Variants in ESCO2 observed in about 807,000 individuals in gnomAD.
ESCO2 encodes the protein establishment of sister chromatid cohesion N-acetyltransferase 2, also known as N-acetyltransferase ESCO2.
In ESCO2, 51 loss-of-function variants were observed where a neutral mutation model predicts 61.7. The ratio of observed to expected loss-of-function variants is 0.83; its 90% CI spans 0.66 to 1.04. The LOEUF (loss-of-function observed/expected upper bound fraction) is 1.04. Among genes scored for constraint, ESCO2 ranks in the 50% least tolerant of loss-of-function variants. The probability of loss-of-function intolerance (pLI) is 0.00; values close to 1 mark genes in which losing one functional copy is unlikely to be tolerated. For synonymous variants in ESCO2, 230 were observed against 238.2 expected (o/e 0.97, Z 0.32); for missense variants, 692 against 686.2 (o/e 1.01, Z -0.09).
At chr8:27,814,922 A>T (rs1271209312), downstream of ESCO2, among the ~76,000 whole-genome samples, 1 of 152,240 alleles carries the variant, frequency 6.6e-6, no homozygotes, top group African/African-American at 2.4e-5. Flanking sequence ...GGATAAACTC[A>T]AACTCTTACA....
At position 27,804,365 on chromosome 8, in the gene ESCO2, T is replaced by C. The variant is rs1805517537; in HGVS notation, c.*927T>C. The C allele has an allele frequency of 1.0e-6, 1 of 985,438 alleles. No individual in the cohort carries two copies. Among genetic ancestry groups the C allele is most frequent in the Non-Finnish European group, 1.2e-6 (1 of 829,918 alleles). 61.0% of individuals were successfully genotyped at this position (985,438 alleles called of 1,614,324 possible). On this transcript the variant is annotated 3_prime_UTR_variant, in exon 11 of 11. Coordinates refer to ENST00000305188, the MANE Select transcript of ESCO2 (RefSeq NM_001017420.3). ...TAACAAAATGCCTAGTTGGATTAGA[T>C]GTTTTCATTTTCTAATTTTTTGCTT... is the stretch of plus-strand genomic sequence containing the variant.
chr8:27,810,209 G>A, downstream of ESCO2: 1 of 806,444 alleles, frequency 1.2e-6, no homozygotes, highest in East Asian at 2.6e-5. Context: ...CCTCAAATAT[G>A]CCAATTTTAG....
chr8:27,812,837 T>A (rs1448985855), downstream of ESCO2, among the ~76,000 whole-genome samples: 2 of 152,118 alleles, frequency 1.3e-5, no homozygotes, highest in Non-Finnish European at 2.9e-5. Flanking sequence ...CTGGAGAGGA[T>A]GTGGAGAAAT....
intron 5 of ESCO2, among the ~76,000 whole-genome samples, chr8:27,786,784 CTT>C (rs11305882): frequency 2.8e-4 from 30 of 105,724 alleles, no homozygotes; most frequent in Middle Eastern, 6.3e-3. Context: ...AATGCTCCAC[CTT>C]TTTTTTTTTT....
Position 27,803,210 on chromosome 8 carries a change from GTTGAT to G in ESCO2, c.1674-93_1674-89del, listed in dbSNP as rs1181763108. ...CATTTTTTCACTTACTAAAAATAAG[GTTGAT>G]TTAAGTCAAGAGTATTTACTTAAAT... On this transcript the variant is annotated intron_variant, in intron 10 of 10. Coordinates refer to ENST00000305188, the MANE Select transcript of ESCO2 (RefSeq NM_001017420.3). The G allele has an allele frequency of 1.2e-5, 13 of 1,090,278 alleles. No individual in the cohort carries two copies. The African/African-American group carries it at 1.7e-4, about 14-fold the overall frequency. The allele number at this position is 1,090,278 out of a possible 1,614,324, so 67.5% of individuals were successfully genotyped here.
intron 10 of ESCO2, among the ~76,000 whole-genome samples, chr8:27,800,849 G>A (rs1214500911): frequency 1.3e-5 from 2 of 152,102 alleles, no homozygotes; most frequent in Non-Finnish European, 2.9e-5. Context: ...GCAGAAGATC[G>A]CACATTGTAT....
chr8:27,793,929 C>T (rs1438431166), intron 9 of ESCO2, among the ~76,000 whole-genome samples: 2 of 152,196 alleles, frequency 1.3e-5, no homozygotes, highest in African/African-American at 2.4e-5. Flanking sequence ...CTGGCAACCA[C>T]CATTCTACTC....
chr8:27,798,917 G>A (rs1216024017), intron 9 of ESCO2, among the ~76,000 whole-genome samples: 1 of 152,190 alleles, frequency 6.6e-6, no homozygotes, highest in Non-Finnish European at 1.5e-5. Flanking sequence ...TCTTTGTGGT[G>A]ACTCAATAGT....
chr8:27,805,580 A>T (rs1320954746), downstream of ESCO2, among the ~76,000 whole-genome samples: 1 of 152,152 alleles, frequency 6.6e-6, no homozygotes, highest in East Asian at 1.9e-4. Flanking sequence ...TCTCAAAGCA[A>T]TGATACCCTA....
intron 4 of ESCO2, among the ~76,000 whole-genome samples, chr8:27,782,637 T>C (rs1284119092): frequency 1.3e-5 from 2 of 151,850 alleles, no homozygotes; most frequent in Non-Finnish European, 2.9e-5. Flanking sequence ...CTATATCAGC[T>C]CATGCCATTC....
In ESCO2 at chr8:27,804,410, T is replaced by TAG; in HGVS notation, c.*972_*973insAG. 1 of 985,436 alleles carries TAG rather than the reference T, an allele frequency of 1.0e-6. No homozygotes were observed. The highest frequency in any genetic ancestry group is 1.2e-6 in the Non-Finnish European group (1 of 829,930). 61.0% of individuals were successfully genotyped at this position (985,436 alleles called of 1,614,324 possible). Reference sequence around the variant, plus strand: ...TTGCTTGTTTAAAATGCACCTTACTTGTTCTGAGATACCTGGCAAAAGTCT... The same window carrying TAG: ...TTGCTTGTTTAAAATGCACCTTACTTAGGTTCTGAGATACCTGGCAAAAGTCT... On this transcript the variant is annotated 3_prime_UTR_variant, in exon 11 of 11. Transcript: ENST00000305188.
chr8:27,791,249 G>T (rs1463390584), intron 7 of ESCO2, among the ~76,000 whole-genome samples: 1 of 152,070 alleles, frequency 6.6e-6, no homozygotes, highest in Non-Finnish European at 1.5e-5. Context: ...TTATAGTTTT[G>T]TCATGGATCT....
At position 27,775,555 on chromosome 8, in the gene ESCO2, T is replaced by G. The variant is rs1804770574; in HGVS notation, c.41T>G (p.Leu14Trp). ...LTPRKRKQDS[L>W]KCDSLLHFTE... ...CCAAGGAAGAGGAAGCAGGATTCTTTGAAGTGTGACAGGTGAATCTCAGCC... is the reference window on the plus strand; with the variant it reads ...CCAAGGAAGAGGAAGCAGGATTCTTGGAAGTGTGACAGGTGAATCTCAGCC... Residue 14 changes from leucine to tryptophan, a missense_variant, in exon 2 of 11, where the codon TTG becomes TGG. Coordinates refer to ENST00000305188, the MANE Select transcript of ESCO2 (RefSeq NM_001017420.3). 2.5e-6 allele frequency: 4 copies of G among 1,614,156 alleles called. No individual in the cohort carries two copies. The highest frequency in any genetic ancestry group is 3.4e-6 in the Non-Finnish European group (4 of 1,180,004).
intron 4 of ESCO2, among the ~76,000 whole-genome samples, chr8:27,781,290 C>T (rs116777995): frequency 0.015 from 2,207 of 151,184 alleles, 49 homozygotes; most frequent in African/African-American, 0.046. Context: ...CTGCCTTGGC[C>T]TTGTTTCTAG....
At chr8:27,793,911 C>G (rs1472511976) in intron 9 of ESCO2, among the ~76,000 whole-genome samples, 1 of 152,170 alleles carries the variant, frequency 6.6e-6, no homozygotes, top group Non-Finnish European at 1.5e-5. Context: ...CTCTCACTCC[C>G]CCAGCCTCTG....
downstream of ESCO2, chr8:27,810,622 A>T: frequency 1.6e-6 from 1 of 629,254 alleles, no homozygotes; most frequent in Non-Finnish European, 2.8e-6. Flanking sequence ...ATTCTGCCAC[A>T]GACAGAATGG....
At chr8:27,797,387 A>G (rs10086140) in intron 9 of ESCO2, among the ~76,000 whole-genome samples, 63,593 of 151,972 alleles carry the variant, frequency 0.42, 13,650 homozygotes, top group East Asian at 0.62. Flanking sequence ...ATGTAAGTGT[A>G]GGTACTTCCT....
chr8:27,808,599 C>G (rs1805609301), downstream of ESCO2, among the ~76,000 whole-genome samples: 1 of 148,462 alleles, frequency 6.7e-6, no homozygotes, highest in Non-Finnish European at 1.5e-5. Flanking sequence ...GTGCAAGGAT[C>G]ACTTGTGCCT....
At chr8:27,776,047 G>T (rs182308523) in intron 2 of ESCO2, among the ~76,000 whole-genome samples, 9 of 152,150 alleles carry the variant, frequency 5.9e-5, no homozygotes, top group Non-Finnish European at 1.3e-4. Context: ...AAACAATAGA[G>T]CAAAATATAT....
Sources: gnomAD v4.1 joint callset for allele counts (sites outside exome capture counted in the v4.1 genomes callset) on GRCh38, gnomAD v4.1.1 for gene constraint, MANE v1.5 for transcripts, NCBI Gene and HGNC (gene_info 2026-07-23, HGNC 2026-07-21) for gene names.